The following NUMB variants were observed in gnomAD, a reference collection of about 807,000 sequenced individuals.
The protein encoded by NUMB is protein numb homolog.
A neutral mutation model predicts 59.7 loss-of-function variants in NUMB; 29 were observed. That is an observed-to-expected ratio of 0.49 (90% CI 0.36 to 0.66). The LOEUF is 0.66. NUMB is among the 30% of genes least tolerant of loss of function. The probability of loss-of-function intolerance (pLI) is 0.00; values close to 1 mark genes in which losing one functional copy is unlikely to be tolerated. For missense variants in NUMB, 723 were observed against 822.0 expected, an observed-to-expected ratio of 0.88 and a Z score of 1.47; for synonymous variants, 288 against 288.2, an observed-to-expected ratio of 1.00 and a Z score of 0.01.
chr14:73,350,078 T>TACACACATACAC (rs1555373558), intron 4 of NUMB, among the ~76,000 whole-genome samples: 26 of 137,700 alleles, frequency 1.9e-4, no homozygotes, highest in African/African-American at 7.2e-4. Context: ...CATACATACA[T>TACACACATACAC]ACACACACAC....
chr14:73,453,999 A>G (rs1175341783), intron 1 of NUMB, among the ~76,000 whole-genome samples: 1 of 152,042 alleles, frequency 6.6e-6, no homozygotes, highest in Non-Finnish European at 1.5e-5. Context: ...TAATTTAAGG[A>G]GTATATTGTT....
At chr14:73,278,395 C>T (rs951158858) in intron 12 of NUMB, among the ~76,000 whole-genome samples, 31 of 151,784 alleles carry the variant, frequency 2.0e-4, no homozygotes, top group Admixed American at 1.9e-3. Context: ...TGGCATGCAC[C>T]TGTAGTCCCA....
intron 4 of NUMB, among the ~76,000 whole-genome samples, chr14:73,345,237 A>C (rs1342519873): frequency 1.3e-5 from 2 of 152,224 alleles, no homozygotes; most frequent in African/African-American, 2.4e-5. Flanking sequence ...TAGCGAATTA[A>C]CACAGGAACA....
intron 1 of NUMB, among the ~76,000 whole-genome samples, chr14:73,448,500 C>A (rs1016912461): frequency 3.9e-5 from 6 of 152,112 alleles, no homozygotes; most frequent in Admixed American, 1.3e-4. Context: ...CAGATTTTAA[C>A]AGCTTTCTAC....
chr14:73,332,212 T>C (rs1472731498), intron 4 of NUMB, among the ~76,000 whole-genome samples: 1 of 152,126 alleles, frequency 6.6e-6, no homozygotes, highest in Non-Finnish European at 1.5e-5. Context: ...GCCTTCAAAA[T>C]GGATGGTGAC....
At chr14:73,332,725 C>T (rs900895775) in intron 4 of NUMB, among the ~76,000 whole-genome samples, 3 of 151,752 alleles carry the variant, frequency 2.0e-5, no homozygotes, top group Non-Finnish European at 2.9e-5. Context: ...TTCAACCCCC[C>T]GATTCTAAAA....
At position 73,326,519 on chromosome 14, in the gene NUMB, C is replaced by T. The variant is rs561302439; in HGVS notation, c.127-3315G>A. Among the ~76,000 whole-genome samples, 251 of 151,800 alleles carry T rather than the reference C, an allele frequency of 1.7e-3. 1 individual carries two copies. The highest frequency in any genetic ancestry group is 1.9e-3 in the Non-Finnish European group (126 of 67,976). ...GCAGGCGCCTGTAATTCCAGCTCCT[C>T]GGGAGGCTGAGGCAGGAGAATTGCT... On this transcript the variant is annotated intron_variant, in intron 4 of 12. Coordinates refer to ENST00000555238, the MANE Select transcript of NUMB (RefSeq NM_001005743.2).
At chr14:73,308,636 G>A (rs1331970016) in intron 6 of NUMB, among the ~76,000 whole-genome samples, 1 of 152,184 alleles carries the variant, frequency 6.6e-6, no homozygotes, top group African/African-American at 2.4e-5. Context: ...CCATTATGGA[G>A]TTCAGGGGAG....
intron 2 of NUMB, among the ~76,000 whole-genome samples, chr14:73,371,710 C>T (rs1241599707): frequency 6.6e-6 from 1 of 152,022 alleles, no homozygotes. Context: ...AGGAGGGCTA[C>T]TCCCTCCTGA....
chr14:73,297,187 C>A (rs1889837474), intron 7 of NUMB, 24 bp downstream of exon 7: 6 of 1,485,998 alleles, frequency 4.0e-6, no homozygotes, highest in African/African-American at 1.4e-5. Context: ...TAAAATAAAT[C>A]AAAATAAAAA....
intron 1 of NUMB, among the ~76,000 whole-genome samples, chr14:73,429,501 C>A (rs764120853): frequency 6.6e-6 from 1 of 152,104 alleles, no homozygotes; most frequent in Admixed American, 6.6e-5. Context: ...TGATATTGTA[C>A]AATGTTAGTG....
chr14:73,434,355 T>C (rs1005253145), intron 1 of NUMB, among the ~76,000 whole-genome samples: 12 of 152,168 alleles, frequency 7.9e-5, no homozygotes, highest in Non-Finnish European at 1.6e-4. Flanking sequence ...TCACAGGAGT[T>C]ATCATGAGGA....
chr14:73,300,506 G>C (rs2333194), intron 6 of NUMB, among the ~76,000 whole-genome samples: 1 of 151,930 alleles, frequency 6.6e-6, no homozygotes, highest in Non-Finnish European at 1.5e-5. Flanking sequence ...AGTCTAGTAC[G>C]GTGACTAGGA....
At chr14:73,393,983 T>C (rs956154204) in intron 2 of NUMB, among the ~76,000 whole-genome samples, 28 of 152,356 alleles carry the variant, frequency 1.8e-4, no homozygotes, top group African/African-American at 6.3e-4. Flanking sequence ...TATTCTTTTT[T>C]GAGACGGAGT....
intron 2 of NUMB, among the ~76,000 whole-genome samples, chr14:73,393,308 A>C (rs1012842417): frequency 6.6e-6 from 1 of 152,236 alleles, no homozygotes; most frequent in Non-Finnish European, 1.5e-5. Flanking sequence ...GTGGAAGGTA[A>C]GATGAGTTAT....
intron 1 of NUMB, among the ~76,000 whole-genome samples, chr14:73,414,439 G>A (rs1761919162): frequency 6.6e-6 from 1 of 152,150 alleles, no homozygotes; most frequent in Admixed American, 6.6e-5. Flanking sequence ...TGTCGCTCTG[G>A]CTGGAATGCA....
At chr14:73,435,961 G>A (rs1250771899) in intron 1 of NUMB, among the ~76,000 whole-genome samples, 2 of 150,022 alleles carry the variant, frequency 1.3e-5, no homozygotes, top group Non-Finnish European at 3.0e-5. Context: ...AGCCAAGATC[G>A]CACCACTGCA....
At chr14:73,310,958 T>C (rs1890748421) in intron 6 of NUMB, among the ~76,000 whole-genome samples, 1 of 152,232 alleles carries the variant, frequency 6.6e-6, no homozygotes, top group South Asian at 2.1e-4. Context: ...ATAAAGTATT[T>C]GCCTAGTATA....
chr14:73,321,853 A>G (rs954531803), intron 5 of NUMB, among the ~76,000 whole-genome samples: 2 of 152,108 alleles, frequency 1.3e-5, no homozygotes, highest in Admixed American at 6.5e-5. Context: ...ATCTTTTTTT[A>G]AAATTTTTTA....
Sources: gnomAD v4.1 joint callset for allele counts (sites outside exome capture counted in the v4.1 genomes callset) on GRCh38, gnomAD v4.1.1 for gene constraint, MANE v1.5 for transcripts, NCBI Gene and HGNC (gene_info 2026-07-23, HGNC 2026-07-21) for gene names.